INPP5F: variants seen among roughly 807,000 people sequenced by gnomAD.
INPP5F encodes inositol polyphosphate-5-phosphatase F.
A neutral mutation model predicts 137.2 loss-of-function variants in INPP5F; 97 were observed. That is an observed-to-expected ratio of 0.71 (90% confidence interval 0.60 to 0.84). The LOEUF is 0.84. Ranked by LOEUF, INPP5F falls within the 40% of genes least tolerant of loss-of-function variation. The pLI, the probability that INPP5F is intolerant of heterozygous loss-of-function variation, is 0.00. For missense variants in INPP5F, 1,271 were observed against 1,371.9 expected, an observed-to-expected ratio of 0.93 and a Z score of 1.16; for synonymous variants, 504 against 476.9, an observed-to-expected ratio of 1.06 and a Z score of -0.74.
chr10:119,819,547 TC>T, intron 15 of INPP5F: 2 of 1,595,980 alleles, frequency 1.3e-6, no homozygotes, highest in South Asian at 2.3e-5. Context: ...CACGTAAGTA[TC>T]AACGCGTAAA....
chr10:119,765,875 A>G (rs1380458469), intron 2 of INPP5F, among the ~76,000 whole-genome samples: 4 of 25,102 alleles, frequency 1.6e-4, no homozygotes, highest in African/African-American at 3.0e-4. Context: ...CTATATATAT[A>G]TATATAGAGA....
At chr10:119,761,190 A>C (rs1400210607) in intron 2 of INPP5F, among the ~76,000 whole-genome samples, 1 of 152,220 alleles carries the variant, frequency 6.6e-6, no homozygotes, top group Non-Finnish European at 1.5e-5. Flanking sequence ...ATATACTTCT[A>C]ATTGCACCAT....
At chr10:119,823,321 C>A in intron 18 of INPP5F, 122 bp downstream of exon 18, 2 of 901,798 alleles carry the variant, frequency 2.2e-6, no homozygotes, top group Non-Finnish European at 3.3e-6. Context: ...CAGGGAATAG[C>A]TTTGGAATAT....
chr10:119,796,419 T>A (rs1161855746), intron 6 of INPP5F, among the ~76,000 whole-genome samples: 2 of 152,216 alleles, frequency 1.3e-5, no homozygotes, highest in Non-Finnish European at 2.9e-5. Flanking sequence ...TTGTTACTAT[T>A]TCACGGAGAA....
chr10:119,743,557 T>G (rs1418216534), intron 1 of INPP5F, among the ~76,000 whole-genome samples: 1 of 149,342 alleles, frequency 6.7e-6, no homozygotes, highest in Non-Finnish European at 1.5e-5. Context: ...TTGTTCTAAG[T>G]CTAGAATGAA....
chr10:119,810,820 A>T (rs1851001790), intron 14 of INPP5F, among the ~76,000 whole-genome samples: 1 of 152,260 alleles, frequency 6.6e-6, no homozygotes, highest in Non-Finnish European at 1.5e-5. Flanking sequence ...GTAAATGCAG[A>T]GTGTTCTGGA....
At chr10:119,819,218 C>CTT (rs869037124) in intron 15 of INPP5F, 1,391 of 28,550 alleles carry the variant, frequency 0.049, 105 homozygotes, top group Non-Finnish European at 0.055. Flanking sequence ...ATTGAACGTG[C>CTT]TTTTTTTTTT....
chr10:119,828,415 T>A lies in INPP5F; in HGVS notation c.*635T>A, dbSNP rs1851859156. 1.3e-5 allele frequency: 2 copies of A among 152,244 alleles called. No individual in the cohort carries two copies. The allele number at this position is 152,244 out of a possible 1,614,324, so 9.4% of individuals were successfully genotyped here. On this transcript the variant is annotated 3_prime_UTR_variant, in exon 20 of 20. Transcript: ENST00000650623. Reference sequence around the variant, plus strand: ...AATGTAAACCTAGGAGCATTAAGACTTGTCACACAGTAAACCTGATACATC... The same window carrying A: ...AATGTAAACCTAGGAGCATTAAGACATGTCACACAGTAAACCTGATACATC...
chr10:119,778,958 C>T (rs1849612336), intron 2 of INPP5F, among the ~76,000 whole-genome samples: 1 of 152,096 alleles, frequency 6.6e-6, no homozygotes, highest in Non-Finnish European at 1.5e-5. Context: ...CAGTCATTTG[C>T]CAGGGCATAC....
chr10:119,739,326 G>A (rs1222743523), intron 1 of INPP5F, among the ~76,000 whole-genome samples: 4 of 152,072 alleles, frequency 2.6e-5, no homozygotes, highest in Non-Finnish European at 5.9e-5. Flanking sequence ...CTCATTCCTG[G>A]TTTGTATAAA....
rs1409340215 is a variant in INPP5F at position 119,748,155 on chromosome 10, C to A, written c.98-2921C>A. Among the ~76,000 whole-genome samples the A allele has an allele frequency of 6.6e-6, 1 of 152,230 alleles. No individual in the cohort carries two copies. The highest frequency in any genetic ancestry group is 1.5e-5 in the Non-Finnish European group (1 of 68,042). On this transcript the variant is annotated intron_variant, in intron 1 of 19. Transcript: ENST00000650623. This position sits in a 1 kb window ranked among gnomAD's most constrained non-coding sequence, Gnocchi z 4.7. ...GCACGGTCCAGACACTATGCACAGCCAGGTGTGCCAGCCGTGGCAGGGCAG... is the reference window on the plus strand; with the variant it reads ...GCACGGTCCAGACACTATGCACAGCAAGGTGTGCCAGCCGTGGCAGGGCAG...
chr10:119,821,770 G>A (rs1455792287), intron 16 of INPP5F, among the ~76,000 whole-genome samples: 5 of 151,462 alleles, frequency 3.3e-5, no homozygotes, highest in East Asian at 1.9e-4. Context: ...GTGCACACGC[G>A]CGCGCATGTG....
chr10:119,825,020 C>T (rs2134305035), intron 19 of INPP5F, among the ~76,000 whole-genome samples: 1 of 152,304 alleles, frequency 6.6e-6, no homozygotes, highest in South Asian at 2.1e-4. Flanking sequence ...ATCAATTACT[C>T]TTTAACCTTG....
At position 119,827,057 on chromosome 10, in the gene INPP5F, T is replaced by C; in HGVS notation, c.2676T>C (p.Cys892=). The C allele has an allele frequency of 6.2e-7, 1 of 1,614,134 alleles. No individual in the cohort carries two copies. The highest frequency in any genetic ancestry group is 8.5e-7 in the Non-Finnish European group (1 of 1,180,010). Residue 892 remains cysteine (C), a synonymous_variant, in exon 20 of 20, where the codon TGT becomes TGC. Coordinates refer to ENST00000650623, the MANE Select transcript of INPP5F (RefSeq NM_014937.4). The stretch of plus-strand genomic sequence containing the variant: ...CAATAGATTACGTTCTTCCTAGTTG[T>C]GGTATTATTGCCTCAGCGCCTCGAT... ...VGPIDYVLPS[C]GIIASAPRLG... is the part of the protein sequence containing the mutation.
chr10:119,817,412 A>T lies in INPP5F; in HGVS notation c.1887-3434A>T, dbSNP rs190496154. Among the ~76,000 whole-genome samples the T allele has an allele frequency of 2.0e-4, 30 of 152,350 alleles. No individual in the cohort carries two copies. In the East Asian group the frequency reaches 5.8e-3, roughly 29 times the overall value. On this transcript the variant is annotated intron_variant, in intron 15 of 19. Transcript: ENST00000650623. The stretch of plus-strand genomic sequence containing the variant: ...GAGAAACTGCCAAACTATTTTCTAC[A>T]GTGGCCACGCCGTTTTACGTTTCCA...
intron 9 of INPP5F, among the ~76,000 whole-genome samples, chr10:119,802,771 CTG>C (rs1377111195): frequency 3.9e-5 from 6 of 152,172 alleles, no homozygotes; most frequent in African/African-American, 1.4e-4. Flanking sequence ...TGATACCACT[CTG>C]TTGCTTCTGA....
At chr10:119,795,381 G>A (rs1375619270) in intron 6 of INPP5F, among the ~76,000 whole-genome samples, 1 of 150,602 alleles carries the variant, frequency 6.6e-6, no homozygotes, top group East Asian at 2.0e-4. Context: ...GCCAGGCGGA[G>A]GGGCTCCTCA....
rs371133413 is a variant in INPP5F at position 119,808,904 on chromosome 10, A to G, written c.1569+844A>G. Among the ~76,000 whole-genome samples the G allele has an allele frequency of 2.5e-4, 38 of 152,286 alleles. No individual in the cohort carries two copies. The South Asian group carries it at 7.9e-3, about 32-fold the overall frequency. ...GAGTGATAAATATCAAAAGCTTTTTATTAATTACAGAAAGTAAACTTTGGA... is the reference window on the plus strand; with the variant it reads ...GAGTGATAAATATCAAAAGCTTTTTGTTAATTACAGAAAGTAAACTTTGGA... On this transcript the variant is annotated intron_variant, in intron 13 of 19. Transcript: ENST00000650623.
chr10:119,736,555 C>T (rs1432462091), intron 1 of INPP5F, among the ~76,000 whole-genome samples: 1 of 152,188 alleles, frequency 6.6e-6, no homozygotes, highest in Non-Finnish European at 1.5e-5. Flanking sequence ...GTATTCATTT[C>T]CATCAGGTCC....
Sources: allele counts gnomAD v4.1 joint callset (sites outside exome capture counted in the v4.1 genomes callset), GRCh38; gene constraint gnomAD v4.1.1; non-coding constraint Gnocchi (gnomAD v3.1); transcripts MANE v1.5; gene names NCBI Gene and HGNC (gene_info 2026-07-23, HGNC 2026-07-21).